TNRC6C: variants seen among roughly 807,000 people sequenced by gnomAD.
TNRC6C encodes trinucleotide repeat-containing gene 6C protein.
TNRC6C carries 20 observed loss-of-function variants against 153.7 expected under a neutral mutation model. The ratio of observed to expected loss-of-function variants is 0.13; its 90% CI spans 0.09 to 0.19. The LOEUF is 0.19. Among genes scored for constraint, TNRC6C ranks in the 10% least tolerant of loss-of-function variants. TNRC6C has a pLI of 1.00. For synonymous variants in TNRC6C, 811 were observed against 841.4 expected (o/e 0.96, Z 0.63); for missense variants, 1,987 against 2,172.0 (o/e 0.91, Z 1.69).
At chr17:78,008,990 G>A (rs986376394) in intron 1 of TNRC6C, 18 of 152,194 alleles carry the variant, frequency 1.2e-4, no homozygotes, top group African/African-American at 4.1e-4. Context: ...CTCTGTGGGA[G>A]CCTATTCATA....
chr17:78,084,323 G>GA (rs1238748774), intron 11 of TNRC6C, among the ~76,000 whole-genome samples: 207 of 97,822 alleles, frequency 2.1e-3, no homozygotes, highest in Non-Finnish European at 2.6e-3. Flanking sequence ...TCATGAAGGA[G>GA]AAAAAAAAAA....
chr17:78,075,288 T>C lies in TNRC6C; in HGVS notation c.3060+10T>C. On this transcript the variant is annotated intron_variant, in intron 8 of 19. Coordinates refer to ENST00000301624, the Ensembl canonical transcript of TNRC6C. This position sits in a 1 kb window ranked among gnomAD's most constrained non-coding sequence, Gnocchi z 4.2. ...CACCTTTCTTGACAAGGTATGAATA[T>C]AGGTGGTTTGTTGTTTTTGCTTTTT... 2 of 1,573,418 alleles carry C rather than the reference T, an allele frequency of 1.3e-6. No homozygotes were observed. Among genetic ancestry groups the C allele is most frequent in the Non-Finnish European group, 8.6e-7 (1 of 1,158,176 alleles).
At position 78,049,733 on chromosome 17, in the gene TNRC6C, G is replaced by A; in HGVS notation, c.671G>A (p.Gly224Asp). 1 of 1,593,594 alleles carries A rather than the reference G, an allele frequency of 6.3e-7. No individual in the cohort carries two copies. The highest frequency in any genetic ancestry group is 8.6e-7 in the Non-Finnish European group (1 of 1,168,314). Residue 224 changes from glycine to aspartate, a missense_variant, in exon 3 of 20, where the codon GGC becomes GAC. By Grantham distance (94) the Gly-to-Asp change is moderately conservative. This residue lies in a region of TNRC6C where 1,052 missense variants were observed against 1,017.0 expected (regional missense o/e 1.03). Coordinates refer to ENST00000301624, the Ensembl canonical transcript of TNRC6C. The surrounding 1 kb of genome is among the most constrained non-coding windows in gnomAD (Gnocchi z 4.1). ...GCCATCATCCCGCCCCACCTGCAAG[G>A]CCTTCCTGGTGCTAATGGATCATCA... is the stretch of plus-strand genomic sequence containing the variant.
Position 78,049,865 on chromosome 17 carries a change from G to A in TNRC6C, c.803G>A (p.Gly268Glu). The A allele has an allele frequency of 6.2e-7, 1 of 1,613,990 alleles. No homozygotes were observed. Among genetic ancestry groups the A allele is most frequent in the Non-Finnish European group, 8.5e-7 (1 of 1,179,872 alleles). Residue 268 changes from glycine to glutamate, a missense_variant, in exon 3 of 20, where the codon GGG (glycine) becomes GAG (glutamate). By Grantham distance (98) the Gly-to-Glu change is moderately conservative. This residue lies in a region of TNRC6C where 1,052 missense variants were observed against 1,017.0 expected (regional missense o/e 1.03). Transcript: ENST00000301624. This position sits in a 1 kb window ranked among gnomAD's most constrained non-coding sequence, Gnocchi z 4.1. Reference sequence around the variant, plus strand: ...AATAGCAATTCTGGGTTCAGTCAGGGGAATGGAGACACTGTGAACTCAGCA... The same window carrying A: ...AATAGCAATTCTGGGTTCAGTCAGGAGAATGGAGACACTGTGAACTCAGCA...
chr17:78,049,438 A>T lies in TNRC6C; in HGVS notation c.376A>T (p.Ile126Phe). The T allele has an allele frequency of 6.2e-7, 1 of 1,614,024 alleles. No homozygotes were observed. The highest frequency in any genetic ancestry group is 1.1e-5 in the South Asian group (1 of 91,082). ...CGTGGCGACAGGCAACCCTTCCAGT[A>T]TTTGCAGTCCAGTCAGTGCCATAGG... The change falls in exon 3 of 20, where the codon ATT becomes TTT. Residue 126 changes from isoleucine (I) to phenylalanine (F), a missense_variant. Physicochemically the swap from Ile to Phe is conservative, Grantham distance 21. Coordinates refer to ENST00000301624, the Ensembl canonical transcript of TNRC6C. The surrounding 1 kb of genome is among the most constrained non-coding windows in gnomAD (Gnocchi z 4.1).
At chr17:78,048,529 C>T (rs1026840897) in intron 2 of TNRC6C, among the ~76,000 whole-genome samples, 4 of 152,212 alleles carry the variant, frequency 2.6e-5, no homozygotes, top group African/African-American at 9.6e-5. Context: ...TGCAAAGTCA[C>T]TTATCTTTCA....
intron 1 of TNRC6C, among the ~76,000 whole-genome samples, chr17:77,988,823 G>A (rs1263350052): frequency 1.3e-5 from 2 of 152,168 alleles, no homozygotes; most frequent in Admixed American, 6.5e-5. Flanking sequence ...TTTTACCTGA[G>A]AGATGCAAGG....
intron 17 of TNRC6C, 150 bp downstream of exon 20, chr17:78,098,687 TC>T: frequency 1.3e-6 from 1 of 799,724 alleles, no homozygotes; most frequent in Non-Finnish European, 1.9e-6. Flanking sequence ...ACCCTAGATG[TC>T]CATCCAGGGC....
chr17:78,090,039 T>C (rs186017577), intron 13 of TNRC6C, among the ~76,000 whole-genome samples: 149 of 152,216 alleles, frequency 9.8e-4, no homozygotes, highest in Admixed American at 9.7e-3. Context: ...CTGTACAAGC[T>C]GAAACGAAAA....
At chr17:78,096,046 G>A (rs904574606) in intron 16 of TNRC6C, among the ~76,000 whole-genome samples, 3 of 152,154 alleles carry the variant, frequency 2.0e-5, no homozygotes, top group East Asian at 1.9e-4. Flanking sequence ...GCAAGACTTC[G>A]TCTCAAAAAA....
intron 1 of TNRC6C, among the ~76,000 whole-genome samples, chr17:78,025,460 T>C (rs1375874661): frequency 6.6e-6 from 1 of 152,246 alleles, no homozygotes; most frequent in Non-Finnish European, 1.5e-5. Context: ...TTCCATTGTC[T>C]GAATGCACCA....
At chr17:78,071,126 G>A in exon 6 of TNRC6C, 1 of 1,607,354 alleles carries the variant, frequency 6.2e-7, no homozygotes, top group Non-Finnish European at 8.5e-7. Flanking sequence ...CCTGGATCAT[G>A]AGCCGGCTGA....
intron 1 of TNRC6C, among the ~76,000 whole-genome samples, chr17:78,029,874 T>C (rs920199921): frequency 2.6e-5 from 4 of 151,784 alleles, no homozygotes; most frequent in African/African-American, 9.7e-5. Context: ...ATCATCAGTA[T>C]CACTATCTTC....
At chr17:78,069,837 T>C (rs957577193) in intron 5 of TNRC6C, among the ~76,000 whole-genome samples, 1 of 152,086 alleles carries the variant, frequency 6.6e-6, no homozygotes, top group Non-Finnish European at 1.5e-5. Flanking sequence ...AAAACGTGTG[T>C]GTGTGTATGT....
chr17:78,103,735 C>T (rs942346060), intron 19 of TNRC6C, among the ~76,000 whole-genome samples, 182 bp downstream of exon 22: 1 of 152,194 alleles, frequency 6.6e-6, no homozygotes, highest in East Asian at 1.9e-4. Flanking sequence ...GGGCTGGTTT[C>T]TCCTGAGGCC....
chr17:77,967,560 T>C lies in TNRC6C; in HGVS notation c.-38+8292T>C, dbSNP rs1334870805. ...GCTGACAGGTGAGGAACAGTCATCA[T>C]AGGGGCTCCCTGCACTACTGTTTTC... On this transcript the variant is annotated intron_variant, in intron 1 of 22. Coordinates refer to the TNRC6C transcript ENST00000636222. Among the ~76,000 whole-genome samples, 6 of 152,194 alleles carry C rather than the reference T, an allele frequency of 3.9e-5. No homozygotes were observed. The East Asian group carries it at 7.7e-4, about 20-fold the overall frequency.
At chr17:78,102,586 AG>A (rs767944811) in intron 18 of TNRC6C, 42 bp downstream of exon 21, 8 of 1,563,572 alleles carry the variant, frequency 5.1e-6, no homozygotes, top group Non-Finnish European at 6.9e-6. Context: ...TGATCCAGGG[AG>A]GGTTCCCGCT....
intron 1 of TNRC6C, among the ~76,000 whole-genome samples, chr17:77,973,119 CT>C (rs1013193264): frequency 3.9e-5 from 6 of 152,148 alleles, no homozygotes; most frequent in African/African-American, 1.4e-4. Flanking sequence ...GTTGGCCAGG[CT>C]GGTTTTGAAC....
intron 3 of TNRC6C, among the ~76,000 whole-genome samples, chr17:78,063,170 G>T (rs578203237): frequency 3.3e-5 from 5 of 151,522 alleles, no homozygotes; most frequent in Admixed American, 3.3e-4. Context: ...CCCTTAACCC[G>T]GGAGGCGGTG....
Sources: gnomAD v4.1 joint callset for allele counts (sites outside exome capture counted in the v4.1 genomes callset) on GRCh38, gnomAD v4.1.1 for gene constraint, gnomAD v4.1.1 regional missense constraint, Gnocchi (gnomAD v3.1) non-coding constraint, MANE v1.5 for transcripts, NCBI Gene and HGNC (gene_info 2026-07-23, HGNC 2026-07-21) for gene names.